The following CLTCL1 variants were observed in gnomAD, a reference collection of about 807,000 sequenced individuals.
CLTCL1 encodes clathrin heavy chain like 1, also known as clathrin heavy chain 2.
Under a neutral mutation model 190.0 loss-of-function variants are expected in CLTCL1, and 159 were observed. That is an observed-to-expected ratio of 0.84 (90% CI 0.74 to 0.95). CLTCL1 has a LOEUF of 0.95. CLTCL1 is among the 40% of genes least tolerant of loss of function. The probability of loss-of-function intolerance (pLI) is 0.00; values close to 1 mark genes in which losing one functional copy is unlikely to be tolerated. For missense variants in CLTCL1, 1,878 were observed against 2,033.4 expected (o/e 0.92, Z 1.47); for synonymous variants, 752 against 769.6 (o/e 0.98, Z 0.38).
Position 19,221,586 on chromosome 22 carries a change from C to T in CLTCL1, c.2587G>A (p.Glu863Lys). ...NRLKLLLPWL[E>K]SQIQEGCEEP... ...TCACAGCCTTCCTGAATCTGGGACT[C>T]CAGCCAGGGAAGCAGCAGCTTGAGC... Residue 863 changes from glutamate (E) to lysine (K), a missense_variant, in exon 17 of 33, where the codon GAG becomes AAG. Physicochemically the swap from Glu to Lys is moderately conservative, Grantham distance 56. Transcript: ENST00000427926. 1.3e-6 allele frequency: 2 copies of T among 1,595,006 alleles called. No individual in the cohort carries two copies. The highest frequency in any genetic ancestry group is 4.5e-5 in the East Asian group (2 of 44,232).
intron 9 of CLTCL1, 151 bp downstream of exon 9, chr22:19,233,015 T>G: frequency 2.4e-6 from 2 of 829,570 alleles, no homozygotes; most frequent in South Asian, 1.8e-5. Flanking sequence ...GAATAAAATA[T>G]GATCATTATG....
At chr22:19,217,211 C>T (rs2085412031) in intron 18 of CLTCL1, among the ~76,000 whole-genome samples, 1 of 152,142 alleles carries the variant, frequency 6.6e-6, no homozygotes, top group African/African-American at 2.4e-5. Context: ...GCTCTCCCAG[C>T]AGCTAAGGAA....
chr22:19,206,358 T>G (rs1300431057), intron 22 of CLTCL1, among the ~76,000 whole-genome samples: 1 of 152,170 alleles, frequency 6.6e-6, no homozygotes, highest in African/African-American at 2.4e-5. Context: ...TCTTCCCACT[T>G]CAGCCTTCCA....
At chr22:19,239,470 GC>G in intron 4 of CLTCL1, 82 bp from the exon 5 acceptor site, 3 of 957,502 alleles carry the variant, frequency 3.1e-6, no homozygotes, top group Non-Finnish European at 5.1e-6. Flanking sequence ...GGCAAGTGGA[GC>G]CTCAGCTCCA....
intron 19 of CLTCL1, among the ~76,000 whole-genome samples, chr22:19,211,596 T>G (rs954758119): frequency 6.6e-6 from 1 of 151,388 alleles, no homozygotes; most frequent in Non-Finnish European, 1.5e-5. Context: ...GTAAAGCCCG[T>G]CTCTACTAAA....
intron 2 of CLTCL1, among the ~76,000 whole-genome samples, chr22:19,267,072 T>G (rs2087144244): frequency 6.6e-6 from 1 of 152,124 alleles, no homozygotes; most frequent in South Asian, 2.1e-4. Context: ...CATGATACAG[T>G]ATGTAGAAAA....
Position 19,208,308 on chromosome 22 carries a change from T to A in CLTCL1, c.3446A>T (p.Asn1149Ile), listed in dbSNP as rs2085114906. 1 of 1,613,262 alleles carries A rather than the reference T, an allele frequency of 6.2e-7. No homozygotes were observed. Among genetic ancestry groups the A allele is most frequent in the South Asian group, 1.1e-5 (1 of 91,054 alleles). The change falls in exon 22 of 33, where the codon AAC becomes ATC. Residue 1149 changes from asparagine (N) to isoleucine (I), a missense_variant. Transcript: ENST00000427926. ...CAGAAATTTAACTAGATCCTCCCAG[T>A]TGTCTAAAGACAGAAAACAAAGATA... ...EVVQSASRSN[N>I]WEDLVKFLQM... is the part of the protein sequence containing the mutation.
intron 17 of CLTCL1, 109 bp from the exon 18 acceptor site, chr22:19,220,116 A>ATCCCAT (rs1555951600): frequency 1.4e-6 from 2 of 1,382,342 alleles, no homozygotes; most frequent in Non-Finnish European, 2.0e-6. Context: ...TTTGGTGGAC[A>ATCCCAT]GTCAGGGCCC....
Position 19,216,207 on chromosome 22 carries a change from A to G in CLTCL1, c.2969T>C (p.Val990Ala). 6.2e-7 allele frequency: 1 copy of G among 1,613,994 alleles called. No homozygotes were observed. Among genetic ancestry groups the G allele is most frequent in the South Asian group, 1.1e-5 (1 of 91,086 alleles). Residue 990 changes from valine to alanine, a missense_variant, in exon 19 of 33, where the codon GTC becomes GCC. Coordinates refer to ENST00000427926, the MANE Select transcript of CLTCL1 (RefSeq NM_007098.4). ...GGCTGTCATAAAGGCTTTGACAGTG[A>G]CCGAAATCTCTTCAGGATCCCGTGT... ...SETRDPEEISVTVKAFMTADL... is the reference protein window; with the variant it reads ...SETRDPEEISATVKAFMTADL...
intron 29 of CLTCL1, among the ~76,000 whole-genome samples, chr22:19,186,147 C>T (rs2084307892): frequency 6.6e-6 from 1 of 152,076 alleles, no homozygotes. Flanking sequence ...AATGAGGCCC[C>T]TGTGCGGGAC....
intron 1 of CLTCL1, among the ~76,000 whole-genome samples, chr22:19,281,019 G>A (rs1011113835): frequency 1.3e-5 from 2 of 151,558 alleles, no homozygotes; most frequent in African/African-American, 2.4e-5. Context: ...GGCCGGGCGC[G>A]GCGGCTCACA....
At chr22:19,191,227 TA>T (rs1677640178) in intron 27 of CLTCL1, 76 bp downstream of exon 27, 1 of 1,565,740 alleles carries the variant, frequency 6.4e-7, no homozygotes, top group African/African-American at 1.4e-5. Context: ...AAACTCTTTA[TA>T]AAGGTGCTAT....
intron 18 of CLTCL1, among the ~76,000 whole-genome samples, chr22:19,217,487 G>T (rs1302314811): frequency 1.3e-5 from 2 of 151,788 alleles, no homozygotes; most frequent in Admixed American, 6.6e-5. Context: ...GTGGTGGCGG[G>T]CGCCTGTAGT....
At chr22:19,213,087 C>T (rs1035191020) in intron 19 of CLTCL1, among the ~76,000 whole-genome samples, 8 of 152,172 alleles carry the variant, frequency 5.3e-5, no homozygotes, top group Admixed American at 1.3e-4. Context: ...CAACAAAGGA[C>T]TTGTATCCAG....
At chr22:19,276,188 G>C (rs1476822657) in intron 1 of CLTCL1, among the ~76,000 whole-genome samples, 1 of 152,150 alleles carries the variant, frequency 6.6e-6, no homozygotes, top group Non-Finnish European at 1.5e-5. Flanking sequence ...GGAGAGCTTT[G>C]GGAGGAAGGA....
At chr22:19,184,633 T>C in intron 29 of CLTCL1, 1 of 450,426 alleles carries the variant, frequency 2.2e-6, no homozygotes, top group Non-Finnish European at 4.5e-6. Flanking sequence ...TCTGTCTCCC[T>C]GCCGTGCCCT....
At chr22:19,215,251 T>C (rs1425780485) in intron 19 of CLTCL1, among the ~76,000 whole-genome samples, 2 of 152,214 alleles carry the variant, frequency 1.3e-5, no homozygotes, top group African/African-American at 4.8e-5. Context: ...CATTACCATA[T>C]AGCATCTCCA....
intron 19 of CLTCL1, among the ~76,000 whole-genome samples, chr22:19,211,847 C>CAA (rs201249710): frequency 0.025 from 2,576 of 102,572 alleles, 46 homozygotes; most frequent in African/African-American, 0.058. Context: ...AAGAAATCTA[C>CAA]AAAAAAAAAA....
chr22:19,275,509 G>A, intron 2 of CLTCL1, 114 bp downstream of exon 2: 1 of 1,124,552 alleles, frequency 8.9e-7, no homozygotes, highest in Non-Finnish European at 1.3e-6. Flanking sequence ...GAATTAAGTG[G>A]AATACTATTG....
Sources: gnomAD v4.1 joint callset for allele counts (sites outside exome capture counted in the v4.1 genomes callset) on GRCh38, gnomAD v4.1.1 for gene constraint, MANE v1.5 for transcripts, NCBI Gene and HGNC (gene_info 2026-07-23, HGNC 2026-07-21) for gene names.